The following NKAIN2 variants were observed in gnomAD, a reference collection of about 807,000 sequenced individuals.
The protein encoded by NKAIN2 is sodium/potassium transporting ATPase interacting 2.
Under a neutral mutation model 32.6 loss-of-function variants are expected in NKAIN2, and 14 were observed. The observed-to-expected ratio is 0.43, with a 90% CI of 0.28 to 0.67. NKAIN2 has a LOEUF of 0.67. Ranked by LOEUF, NKAIN2 falls within the 30% of genes least tolerant of loss-of-function variation. The probability of loss-of-function intolerance (pLI) is 0.17; values close to 1 mark genes in which losing one functional copy is unlikely to be tolerated. For synonymous variants in NKAIN2, 80 were observed against 87.2 expected, an observed-to-expected ratio of 0.92 and a Z score of 0.46; for missense variants, 198 against 258.3, an observed-to-expected ratio of 0.77 and a Z score of 1.60.
chr6:124,040,722 C>T (rs1350867842), intron 1 of NKAIN2, among the ~76,000 whole-genome samples: 1 of 151,946 alleles, frequency 6.6e-6, no homozygotes, highest in Non-Finnish European at 1.5e-5. Context: ...ATGCATGTGG[C>T]TCTTCTTGCA....
At chr6:124,491,789 G>A (rs1397976029) in intron 3 of NKAIN2, among the ~76,000 whole-genome samples, 1 of 151,920 alleles carries the variant, frequency 6.6e-6, no homozygotes, top group Non-Finnish European at 1.5e-5. Flanking sequence ...AAAGTCTGTA[G>A]TTGAATTAGT....
chr6:124,387,307 T>G (rs9375329), intron 3 of NKAIN2, among the ~76,000 whole-genome samples: 60,848 of 150,678 alleles, frequency 0.4, 12,703 homozygotes, highest in South Asian at 0.54. Context: ...TTTTTTTTTT[T>G]TTTAATCACT....
chr6:124,330,965 G>A (rs920299627), intron 2 of NKAIN2, among the ~76,000 whole-genome samples: 4 of 152,108 alleles, frequency 2.6e-5, no homozygotes, highest in Non-Finnish European at 4.4e-5. Flanking sequence ...GTTTCATCCC[G>A]AAACCATCCC....
intron 2 of NKAIN2, among the ~76,000 whole-genome samples, chr6:124,312,932 C>T (rs948985563): frequency 2.0e-5 from 3 of 152,062 alleles, no homozygotes; most frequent in South Asian, 2.1e-4. Context: ...ATTAGAGTCA[C>T]GCCTTGGGCA....
intron 3 of NKAIN2, among the ~76,000 whole-genome samples, chr6:124,416,798 G>A (rs182132088): frequency 9.2e-5 from 14 of 152,216 alleles, no homozygotes; most frequent in Middle Eastern, 3.4e-3. Flanking sequence ...TTCCTGTCCA[G>A]CCAAGGTGGT....
chr6:124,763,306 G>A (rs1193715943), intron 4 of NKAIN2, among the ~76,000 whole-genome samples: 2 of 152,338 alleles, frequency 1.3e-5, no homozygotes, highest in South Asian at 2.1e-4. Flanking sequence ...AAGAAAAGAG[G>A]TTTAATTGGC....
At chr6:124,232,009 A>T (rs1204865475) in intron 1 of NKAIN2, among the ~76,000 whole-genome samples, 3 of 152,116 alleles carry the variant, frequency 2.0e-5, no homozygotes, top group African/African-American at 7.2e-5. Flanking sequence ...AACATTTTGG[A>T]TATTCAGAAT....
intron 4 of NKAIN2, among the ~76,000 whole-genome samples, chr6:124,676,851 A>G (rs1298825851): frequency 3.3e-5 from 5 of 152,280 alleles, no homozygotes; most frequent in East Asian, 1.9e-4. Context: ...TGCATGGAGT[A>G]TCTTTTTCCA....
intron 5 of NKAIN2, among the ~76,000 whole-genome samples, chr6:124,811,571 T>C (rs1056066401): frequency 1.3e-5 from 2 of 152,200 alleles, no homozygotes; most frequent in Admixed American, 6.6e-5. Context: ...AGTTATTAAA[T>C]TGATATGGCA....
intron 1 of NKAIN2, among the ~76,000 whole-genome samples, chr6:123,882,541 C>T (rs998424542): frequency 1.3e-5 from 2 of 152,096 alleles, no homozygotes; most frequent in African/African-American, 4.8e-5. Context: ...ATAATAGTGT[C>T]ATACATTATT....
chr6:123,994,615 T>G (rs1332790088), intron 1 of NKAIN2, among the ~76,000 whole-genome samples: 1 of 152,132 alleles, frequency 6.6e-6, no homozygotes, highest in African/African-American at 2.4e-5. Context: ...TTGCATATGC[T>G]TCTCCACCCC....
At chr6:124,241,044 T>G (rs962859985) in intron 1 of NKAIN2, among the ~76,000 whole-genome samples, 1 of 152,148 alleles carries the variant, frequency 6.6e-6, no homozygotes, top group African/African-American at 2.4e-5. Flanking sequence ...TTCAGCAAAG[T>G]CTCAGGATAC....
intron 3 of NKAIN2, among the ~76,000 whole-genome samples, chr6:124,509,370 A>G (rs148166868): frequency 6.6e-6 from 1 of 152,344 alleles, no homozygotes; most frequent in East Asian, 1.9e-4. Context: ...AGCTACATGA[A>G]TGAGTAGTAC....
intron 1 of NKAIN2, among the ~76,000 whole-genome samples, chr6:123,827,112 C>T (rs1347401598): frequency 1.3e-5 from 2 of 152,050 alleles, no homozygotes; most frequent in African/African-American, 4.8e-5. Flanking sequence ...AATATCTTTT[C>T]ATGTGGTTAT....
intron 3 of NKAIN2, among the ~76,000 whole-genome samples, chr6:124,516,594 A>G (rs973162450): frequency 6.6e-6 from 1 of 152,160 alleles, no homozygotes; most frequent in African/African-American, 2.4e-5. Context: ...CTCTCTGCAG[A>G]CATTTACATT....
chr6:123,953,517 G>A (rs1268119622), intron 1 of NKAIN2, among the ~76,000 whole-genome samples: 2 of 152,120 alleles, frequency 1.3e-5, no homozygotes, highest in Non-Finnish European at 2.9e-5. Context: ...TAGTGGCTGT[G>A]ATGGGCTGGG....
chr6:124,093,804 C>G (rs1343667884), intron 1 of NKAIN2, among the ~76,000 whole-genome samples: 1 of 152,060 alleles, frequency 6.6e-6, no homozygotes, highest in Non-Finnish European at 1.5e-5. Context: ...CACCTGCAGC[C>G]TGATTTCCAC....
intron 1 of NKAIN2, among the ~76,000 whole-genome samples, chr6:124,084,859 A>G (rs537489325): frequency 3.9e-5 from 6 of 152,146 alleles, no homozygotes; most frequent in African/African-American, 1.4e-4. Context: ...AAAAGAAAAA[A>G]AAAATCTCTA....
At chr6:124,292,834 A>T (rs928672987) in intron 2 of NKAIN2, among the ~76,000 whole-genome samples, 5 of 152,086 alleles carry the variant, frequency 3.3e-5, no homozygotes, top group Non-Finnish European at 7.4e-5. Flanking sequence ...TTTTTTTACT[A>T]CTGTAATGTA....
Sources: allele counts gnomAD v4.1 joint callset (sites outside exome capture counted in the v4.1 genomes callset), GRCh38; gene constraint gnomAD v4.1.1; transcripts MANE v1.5; gene names NCBI Gene and HGNC (gene_info 2026-07-23, HGNC 2026-07-21).